SRFBP1: variants seen among roughly 807,000 people sequenced by gnomAD.
The protein encoded by SRFBP1 is serum response factor-binding protein 1.
A neutral mutation model predicts 45.5 loss-of-function variants in SRFBP1; 47 were observed. The observed-to-expected ratio is 1.03, with a 90% CI of 0.82 to 1.32. The LOEUF (loss-of-function observed/expected upper bound fraction) is 1.32, where lower values mean the gene tolerates loss of function less well. SRFBP1 is among the 40% of genes most tolerant of loss of function. SRFBP1 has a pLI of 0.00. For synonymous variants in SRFBP1, 203 were observed against 166.3 expected, an observed-to-expected ratio of 1.22 and a Z score of -1.70; for missense variants, 621 against 484.6, an observed-to-expected ratio of 1.28 and a Z score of -2.64.
chr5:121,995,490 G>C (rs1414917672), intron 4 of SRFBP1, among the ~76,000 whole-genome samples: 2 of 152,098 alleles, frequency 1.3e-5, no homozygotes, highest in Admixed American at 1.3e-4. Context: ...CAACATACCA[G>C]AATCTCTGGG....
At chr5:122,056,626 T>A (rs1754085899) in intron 2 of SRFBP1, among the ~76,000 whole-genome samples, 1 of 152,170 alleles carries the variant, frequency 6.6e-6, no homozygotes, top group Non-Finnish European at 1.5e-5. Context: ...ATGTGTGGGA[T>A]ATGTCTTCCC....
intron 3 of SRFBP1, among the ~76,000 whole-genome samples, chr5:121,988,336 A>G (rs1425087689): frequency 6.6e-6 from 1 of 152,106 alleles, no homozygotes; most frequent in East Asian, 1.9e-4. Flanking sequence ...CCCCAAGACC[A>G]CTCTTGAGCC....
chr5:121,990,671 G>A (rs890948904), intron 3 of SRFBP1, among the ~76,000 whole-genome samples: 7 of 152,118 alleles, frequency 4.6e-5, no homozygotes, highest in African/African-American at 1.7e-4. Flanking sequence ...ATAGTCAAAG[G>A]TGAATAAGAC....
intron 3 of SRFBP1, among the ~76,000 whole-genome samples, chr5:121,991,406 A>G (rs1306460906): frequency 6.6e-6 from 1 of 152,148 alleles, no homozygotes; most frequent in Non-Finnish European, 1.5e-5. Flanking sequence ...CAGAGCAGTT[A>G]GAGAAATAAT....
At chr5:122,034,072 C>T (rs1007414310) in intron 2 of SRFBP1, among the ~76,000 whole-genome samples, 9 of 152,208 alleles carry the variant, frequency 5.9e-5, no homozygotes, top group African/African-American at 2.2e-4. Flanking sequence ...GATCCACCCG[C>T]CTCAGCCTCC....
At chr5:122,007,448 G>A (rs1156915750) in intron 4 of SRFBP1, among the ~76,000 whole-genome samples, 1 of 151,980 alleles carries the variant, frequency 6.6e-6, no homozygotes, top group Non-Finnish European at 1.5e-5. Flanking sequence ...AATATTGCTG[G>A]TGCTGACATG....
intron 3 of SRFBP1, among the ~76,000 whole-genome samples, chr5:121,978,204 A>G (rs1752343600): frequency 2.0e-5 from 3 of 152,198 alleles, no homozygotes; most frequent in Admixed American, 1.3e-4. Context: ...CTCACTAGGT[A>G]GATATCATTT....
chr5:121,994,574 A>T, intron 3 of SRFBP1, 25 bp from the exon 4 acceptor site: 1 of 1,523,562 alleles, frequency 6.6e-7, no homozygotes, highest in Non-Finnish European at 9.0e-7. Context: ...CATAACTAAA[A>T]TTAATTTGTT....
intron 6 of SRFBP1, among the ~76,000 whole-genome samples, chr5:122,022,006 T>G (rs1018541680): frequency 6.6e-6 from 1 of 152,118 alleles, no homozygotes; most frequent in Non-Finnish European, 1.5e-5. Flanking sequence ...AATGTAAATC[T>G]TAATTTTTGT....
chr5:121,990,494 C>T lies in SRFBP1; in HGVS notation c.199-4105C>T, dbSNP rs550694662. Among the ~76,000 whole-genome samples, 137 of 152,160 alleles carry T rather than the reference C, an allele frequency of 9.0e-4. 4 individuals are homozygous for T. The South Asian group carries it at 0.023, about 26-fold the overall frequency. On this transcript the variant is annotated intron_variant, in intron 3 of 7. Transcript: ENST00000339397. The stretch of plus-strand genomic sequence containing the variant: ...GGTACTATCCTCACTATCAGCATGA[C>T]GGGATCTTTACTCCAAACCTCAGCA...
intron 2 of SRFBP1, among the ~76,000 whole-genome samples, chr5:122,035,038 G>GT (rs368497001): frequency 0.026 from 3,924 of 148,696 alleles, 161 homozygotes; most frequent in African/African-American, 0.091. Context: ...AGGGATACAG[G>GT]TTTTTTTTTT....
Position 122,054,094 on chromosome 5 carries a change from C to T in SRFBP1, n.312-21221C>T, listed in dbSNP as rs13158897. Among the ~76,000 whole-genome samples the T allele has an allele frequency of 2.5e-4, 38 of 152,316 alleles. No homozygotes were observed. The East Asian group carries it at 4.6e-3, about 19-fold the overall frequency. ...TGCTTCCAGGCACCACAACTGCAGC[C>T]TCTGTTGGGGCTATTAAGCTGATAC... On this transcript the variant is annotated intron_variant and non_coding_transcript_variant, in intron 2 of 2. Coordinates refer to the SRFBP1 transcript ENST00000504881.
chr5:121,977,159 C>CAT (rs1752319372), intron 3 of SRFBP1, among the ~76,000 whole-genome samples: 1 of 152,076 alleles, frequency 6.6e-6, no homozygotes, highest in African/African-American at 2.4e-5. Context: ...ACATCACTAT[C>CAT]GTGGTTTGGT....
Position 121,994,587 on chromosome 5 carries a change from A to C in SRFBP1, c.199-12A>C. ...CACATAACTAAAATTAATTTGTTTT[A>C]TTCTTTCACAGGAATTGAAACCTGA... On this transcript the variant is annotated splice_polypyrimidine_tract_variant and intron_variant, in intron 3 of 7. Transcript: ENST00000339397. 6.4e-7 allele frequency: 1 copy of C among 1,574,566 alleles called. No individual in the cohort carries two copies. Among genetic ancestry groups the C allele is most frequent in the Non-Finnish European group, 8.7e-7 (1 of 1,155,986 alleles).
chr5:121,973,471 T>C (rs1461570263), intron 1 of SRFBP1, among the ~76,000 whole-genome samples: 1 of 151,880 alleles, frequency 6.6e-6, no homozygotes, highest in Non-Finnish European at 1.5e-5. Context: ...GCCATTGCAC[T>C]GAAAGCTGTT....
At chr5:121,988,341 T>G (rs1752556965) in intron 3 of SRFBP1, among the ~76,000 whole-genome samples, 2 of 152,184 alleles carry the variant, frequency 1.3e-5, no homozygotes, top group Admixed American at 1.3e-4. Context: ...AGACCACTCT[T>G]GAGCCTTGAT....
At chr5:122,051,503 C>A (rs1387603886) in intron 2 of SRFBP1, among the ~76,000 whole-genome samples, 1 of 150,910 alleles carries the variant, frequency 6.6e-6, no homozygotes, top group Non-Finnish European at 1.5e-5. Context: ...TATCATTATG[C>A]AATACCCTTC....
At chr5:122,078,095 C>G, downstream of SRFBP1, 1 of 1,055,956 alleles carries the variant, frequency 9.5e-7, no homozygotes, top group Admixed American at 3.9e-5. Flanking sequence ...AGGAGGCGAG[C>G]GGAGCACGGG....
At chr5:121,980,471 C>T (rs142016969) in intron 3 of SRFBP1, among the ~76,000 whole-genome samples, 106 of 152,270 alleles carry the variant, frequency 7.0e-4, no homozygotes, top group African/African-American at 2.3e-3. Context: ...TCTGTGGCTA[C>T]ATCCGTTAAA....
Sources: allele counts gnomAD v4.1 joint callset (sites outside exome capture counted in the v4.1 genomes callset), GRCh38; gene constraint gnomAD v4.1.1; transcripts MANE v1.5; gene names NCBI Gene and HGNC (gene_info 2026-07-23, HGNC 2026-07-21).